Variants in VCF1 observed in about 807,000 individuals in gnomAD.
The protein encoded by VCF1 is protein VCF1.
At chr17:73,211,750 C>T in the VCF1 span, among the ~76,000 whole-genome samples, 2 of 151,476 alleles carry the variant, frequency 1.3e-5, no homozygotes, top group East Asian at 3.9e-4. Flanking sequence ...GTCCCAGCTA[C>T]TAGGGAGGCT....
the VCF1 span, chr17:73,209,893 TAC>T: frequency 7.2e-7 from 1 of 1,385,626 alleles, no homozygotes; most frequent in South Asian, 1.4e-5. Context: ...TGAAGACATA[TAC>T]TGGGCTTTGG....
the VCF1 span, among the ~76,000 whole-genome samples, chr17:73,212,962 T>C: frequency 4.6e-5 from 7 of 152,152 alleles, no homozygotes; most frequent in East Asian, 1.2e-3. Context: ...TTAAAAAATC[T>C]TGGCTGGGCG....
chr17:73,225,903 T>G, the VCF1 span, among the ~76,000 whole-genome samples: 1 of 91,988 alleles, frequency 1.1e-5, no homozygotes, highest in Non-Finnish European at 2.1e-5. Context: ...ATATATATTT[T>G]TTTTTTTTTT....
the VCF1 span, chr17:73,208,682 G>A: frequency 3.3e-5 from 19 of 571,166 alleles, no homozygotes; most frequent in Admixed American, 8.3e-5. Flanking sequence ...TTTTATCAGC[G>A]TTCAACAACA....
At chr17:73,220,556 T>G in the VCF1 span, among the ~76,000 whole-genome samples, 1 of 147,268 alleles carries the variant, frequency 6.8e-6, no homozygotes, top group Non-Finnish European at 1.5e-5. Context: ...GTGATTCTCC[T>G]GCCTAGGCCT....
the VCF1 span, among the ~76,000 whole-genome samples, chr17:73,226,196 C>T: frequency 1.1e-4 from 16 of 152,144 alleles, no homozygotes; most frequent in Admixed American, 5.9e-4. Flanking sequence ...CCACTGCGCT[C>T]GGCCAGGAAA....
the VCF1 span, among the ~76,000 whole-genome samples, chr17:73,217,686 G>T: frequency 2.6e-5 from 4 of 151,590 alleles, no homozygotes; most frequent in African/African-American, 9.7e-5. Context: ...AGGCGCAGTG[G>T]CTCATGTCTG....
chr17:73,228,379 G>A, the VCF1 span, among the ~76,000 whole-genome samples: 1 of 152,218 alleles, frequency 6.6e-6, no homozygotes, highest in Non-Finnish European at 1.5e-5. Context: ...TGAGAGTAGG[G>A]TGGCTTACAG....
the VCF1 span, among the ~76,000 whole-genome samples, chr17:73,212,973 C>T: frequency 3.4e-3 from 520 of 151,768 alleles, 1 homozygote; most frequent in East Asian, 0.02. Flanking sequence ...TGGCTGGGCG[C>T]GGTGGTTCAC....
the VCF1 span, chr17:73,229,105 T>C: frequency 1.0e-6 from 1 of 980,830 alleles, no homozygotes; most frequent in Non-Finnish European, 1.2e-6. Context: ...GGATTTCAAC[T>C]AATCTCTGGG....
chr17:73,208,367 G>A, the VCF1 span: 1 of 1,614,064 alleles, frequency 6.2e-7, no homozygotes, highest in South Asian at 1.1e-5. Flanking sequence ...CTGGCTCCTT[G>A]TTCAGACAGC....
At chr17:73,209,730 G>C in the VCF1 span, 6 of 1,543,232 alleles carry the variant, frequency 3.9e-6, no homozygotes, top group African/African-American at 8.2e-5. Flanking sequence ...TGCTGCTGCT[G>C]CTGCTGCTGC....
the VCF1 span, among the ~76,000 whole-genome samples, chr17:73,212,165 T>A: frequency 2.6e-5 from 4 of 152,368 alleles, no homozygotes; most frequent in African/African-American, 4.8e-5. Context: ...TATAAAAATG[T>A]ATAAATTAAA....
At chr17:73,208,751 G>A in the VCF1 span, 1 of 434,754 alleles carries the variant, frequency 2.3e-6, no homozygotes, top group Non-Finnish European at 4.3e-6. Context: ...GCTGCTGACT[G>A]ACCAAGTTTG....
At chr17:73,213,176 G>A in the VCF1 span, among the ~76,000 whole-genome samples, 7 of 151,806 alleles carry the variant, frequency 4.6e-5, no homozygotes, top group South Asian at 4.1e-4. Context: ...CCCAGGAGGC[G>A]GAGGTTGCAG....
chr17:73,213,830 C>T, the VCF1 span, among the ~76,000 whole-genome samples: 2 of 152,116 alleles, frequency 1.3e-5, no homozygotes, highest in South Asian at 2.1e-4. Context: ...AGTAGCCGGG[C>T]GTGGTGGCGC....
the VCF1 span, among the ~76,000 whole-genome samples, chr17:73,221,894 C>T: frequency 2.7e-4 from 41 of 152,028 alleles, no homozygotes; most frequent in Non-Finnish European, 4.1e-4. Context: ...ATTAGCTGGG[C>T]GTGGTGGCGG....
chr17:73,232,260 G>A, the VCF1 span: 6 of 1,609,794 alleles, frequency 3.7e-6, no homozygotes, highest in Admixed American at 6.7e-5. Context: ...CCCCTCAGTC[G>A]GACCCGTACC....
chr17:73,208,038 C>A, the VCF1 span: 1 of 1,353,678 alleles, frequency 7.4e-7, no homozygotes. Context: ...TCAGTTCTGC[C>A]CACATTAGGT....
Sources: gnomAD v4.1 joint callset for allele counts (sites outside exome capture counted in the v4.1 genomes callset) on GRCh38, gnomAD v4.1.1 for gene constraint, MANE v1.5 for transcripts, NCBI Gene and HGNC (gene_info 2026-07-23, HGNC 2026-07-21) for gene names.